PDE4D: variants seen among roughly 807,000 people sequenced by gnomAD.
PDE4D encodes the protein 3',5'-cyclic-AMP phosphodiesterase 4D.
In PDE4D, 24 loss-of-function variants were observed where a neutral mutation model predicts 87.4. The observed-to-expected ratio is 0.27, with a 90% CI of 0.20 to 0.39. The LOEUF (loss-of-function observed/expected upper bound fraction) is 0.39. Among genes scored for constraint, PDE4D ranks in the 10% least tolerant of loss-of-function variants. The probability of loss-of-function intolerance (pLI) is 1.00; values close to 1 mark genes in which losing one functional copy is unlikely to be tolerated. For missense variants in PDE4D, 714 were observed against 1,041.0 expected, an observed-to-expected ratio of 0.69 and a Z score of 4.32; for synonymous variants, 384 against 383.2, an observed-to-expected ratio of 1.00 and a Z score of -0.02.
intron 1 of PDE4D, among the ~76,000 whole-genome samples, chr5:59,862,848 A>G (rs1335923865): frequency 6.6e-6 from 1 of 152,244 alleles, no homozygotes. Context: ...GCAGTTTTAC[A>G]GCTTCTGTGT....
In PDE4D at chr5:59,591,452, T is replaced by A. The variant is rs76133664; in HGVS notation, c.455+301716A>T. ...AGTTACTTCATTGATTTTCCCTGAG[T>A]TTCACTTTCAGAAAGTAACTTTAAT... On this transcript the variant is annotated intron_variant, in intron 1 of 14. Coordinates refer to ENST00000340635, the MANE Select transcript of PDE4D (RefSeq NM_001104631.2). 2.2e-3 allele frequency among the ~76,000 whole-genome samples: 337 copies of A among 152,290 alleles called. 2 individuals carry two copies. The highest frequency in any genetic ancestry group is 7.9e-3 in the African/African-American group (330 of 41,556).
chr5:60,162,838 T>G (rs746154696), intron 2 of PDE4D, among the ~76,000 whole-genome samples: 6 of 152,076 alleles, frequency 3.9e-5, no homozygotes, highest in Non-Finnish European at 8.8e-5. Flanking sequence ...AGCCCAACAC[T>G]TGGCACCCCT....
intron 1 of PDE4D, among the ~76,000 whole-genome samples, chr5:59,350,753 C>T (rs1407104772): frequency 6.6e-6 from 1 of 152,150 alleles, no homozygotes; most frequent in Admixed American, 6.6e-5. Context: ...ATGGCTAACA[C>T]ACTTAATCCT....
intron 1 of PDE4D, among the ~76,000 whole-genome samples, chr5:60,312,811 G>C (rs953659234): frequency 1.3e-5 from 2 of 152,128 alleles, no homozygotes; most frequent in Non-Finnish European, 2.9e-5. Flanking sequence ...TAAGCAACCT[G>C]CTCCTGAATG....
At chr5:59,546,948 C>T (rs702543) in intron 1 of PDE4D, among the ~76,000 whole-genome samples, 68,267 of 151,948 alleles carry the variant, frequency 0.45, 18,500 homozygotes, top group East Asian at 0.63. Context: ...TCAAAGCTAA[C>T]GTCAGAAATG....
At chr5:60,341,659 C>G (rs1758329500) in intron 1 of PDE4D, among the ~76,000 whole-genome samples, 1 of 152,120 alleles carries the variant, frequency 6.6e-6, no homozygotes, top group African/African-American at 2.4e-5. Flanking sequence ...AGAGAAGAAG[C>G]CCATACACAG....
chr5:60,392,343 A>G (rs751595568), intron 1 of PDE4D, among the ~76,000 whole-genome samples: 1 of 152,242 alleles, frequency 6.6e-6, no homozygotes, highest in Non-Finnish European at 1.5e-5. Flanking sequence ...TATTGTACAG[A>G]CAATCCAACT....
In PDE4D at chr5:60,285,594, G is replaced by A. The variant is rs540796818; in HGVS notation, c.-89-99907C>T. Among the ~76,000 whole-genome samples, 7 of 152,158 alleles carry A rather than the reference G, an allele frequency of 4.6e-5. No homozygotes were observed. In the East Asian group the frequency reaches 1.4e-3, roughly 29 times the overall value. ...TTGGGAGTTGAAGAATTAAAAAAAT[G>A]AAATTTCAAAAAAATCAAAGGTTAG... On this transcript the variant is annotated intron_variant, in intron 1 of 16. Transcript: ENST00000502484.
intron 2 of PDE4D, among the ~76,000 whole-genome samples, chr5:60,029,686 G>A (rs1767008410): frequency 1.3e-5 from 2 of 152,168 alleles, no homozygotes; most frequent in Admixed American, 6.5e-5. Context: ...ACACCAGTAA[G>A]TAATCTTTCA....
intron 1 of PDE4D, among the ~76,000 whole-genome samples, chr5:59,480,029 T>C (rs1028172600): frequency 6.6e-6 from 1 of 152,064 alleles, no homozygotes; most frequent in East Asian, 1.9e-4. Flanking sequence ...TCTTACGGCA[T>C]ACAGATTGGT....
At chr5:60,430,197 G>T (rs948628059) in intron 1 of PDE4D, 32 of 521,882 alleles carry the variant, frequency 6.1e-5, no homozygotes, top group Non-Finnish European at 1.1e-4. Flanking sequence ...TATGAATGTT[G>T]ATGGGATATT....
intron 1 of PDE4D, chr5:59,768,562 TC>T: frequency 6.3e-7 from 1 of 1,586,836 alleles, no homozygotes; most frequent in South Asian, 1.1e-5. Context: ...CGTGGTTCCC[TC>T]GCTCACGGTC....
chr5:60,395,025 A>G (rs1246838860), intron 1 of PDE4D, among the ~76,000 whole-genome samples: 1 of 152,200 alleles, frequency 6.6e-6, no homozygotes, highest in Non-Finnish European at 1.5e-5. Flanking sequence ...TAATACTCCT[A>G]AAGTGACCCA....
rs183913430 is a variant in PDE4D at position 59,235,403 on chromosome 5, T to C, written c.456-19435A>G. Among the ~76,000 whole-genome samples, 835 of 152,286 alleles carry C rather than the reference T, an allele frequency of 5.5e-3. 10 individuals carry two copies. Among genetic ancestry groups the C allele is most frequent in the African/African-American group, 0.019 (800 of 41,544 alleles). Reference sequence around the variant, plus strand: ...TTCAGTGGAATTCACACAGTGACCCTGGGCAATAAGTGATGGGATTGGGAG... The same window carrying C: ...TTCAGTGGAATTCACACAGTGACCCCGGGCAATAAGTGATGGGATTGGGAG... On this transcript the variant is annotated intron_variant, in intron 1 of 14. Transcript: ENST00000340635.
intron 5 of PDE4D, among the ~76,000 whole-genome samples, chr5:59,150,575 A>G (rs573267891): frequency 6.6e-6 from 1 of 152,296 alleles, no homozygotes; most frequent in Non-Finnish European, 1.5e-5. Context: ...ATGTATCTCA[A>G]GAGCTTTGAT....
intron 1 of PDE4D, among the ~76,000 whole-genome samples, chr5:59,787,673 TGAG>T (rs1765319815): frequency 1.3e-5 from 2 of 152,342 alleles, no homozygotes; most frequent in African/African-American, 4.8e-5. Flanking sequence ...TTATTTTTAA[TGAG>T]GAGCTTTTGA....
At chr5:59,092,457 C>T (rs1412150243) in intron 5 of PDE4D, among the ~76,000 whole-genome samples, 1 of 152,092 alleles carries the variant, frequency 6.6e-6, no homozygotes, top group African/African-American at 2.4e-5. Flanking sequence ...AATTTGCAAA[C>T]CTAAAAGCAT....
At chr5:60,207,678 C>T (rs1742710413) in intron 1 of PDE4D, among the ~76,000 whole-genome samples, 1 of 152,076 alleles carries the variant, frequency 6.6e-6, no homozygotes, top group Non-Finnish European at 1.5e-5. Context: ...CATTCTCTCC[C>T]CAATAAACTC....
intron 1 of PDE4D, among the ~76,000 whole-genome samples, chr5:59,223,008 C>T (rs1238612235): frequency 6.6e-6 from 1 of 152,150 alleles, no homozygotes; most frequent in Non-Finnish European, 1.5e-5. Context: ...TATTTGAACA[C>T]ATGGCTTTGG....
Sources: gnomAD v4.1 joint callset for allele counts (sites outside exome capture counted in the v4.1 genomes callset) on GRCh38, gnomAD v4.1.1 for gene constraint, MANE v1.5 for transcripts, NCBI Gene and HGNC (gene_info 2026-07-23, HGNC 2026-07-21) for gene names.